PGGT1B: variants seen among roughly 807,000 people sequenced by gnomAD.
PGGT1B encodes the protein protein geranylgeranyltransferase type I subunit beta.
In PGGT1B, 30 loss-of-function variants were observed where a neutral mutation model predicts 46.1. The ratio of observed to expected loss-of-function variants is 0.65; its 90% CI spans 0.49 to 0.88. The LOEUF (loss-of-function observed/expected upper bound fraction) is 0.88. Among genes scored for constraint, PGGT1B ranks in the 40% least tolerant of loss-of-function variants. The probability of loss-of-function intolerance (pLI) is 0.00; values close to 1 mark genes in which losing one functional copy is unlikely to be tolerated. For missense variants in PGGT1B, 376 were observed against 455.9 expected, an observed-to-expected ratio of 0.82 and a Z score of 1.60; for synonymous variants, 170 against 160.0, an observed-to-expected ratio of 1.06 and a Z score of -0.47.
chr5:115,240,554 T>C (rs1466714860), intron 3 of PGGT1B, among the ~76,000 whole-genome samples: 1 of 152,212 alleles, frequency 6.6e-6, no homozygotes, highest in Non-Finnish European at 1.5e-5. Flanking sequence ...TGGGCACCCA[T>C]AATTGGAGTC....
chr5:115,229,093 T>A (rs1021699128), intron 6 of PGGT1B, among the ~76,000 whole-genome samples: 2 of 152,162 alleles, frequency 1.3e-5, no homozygotes, highest in African/African-American at 4.8e-5. Context: ...GTATAGATGG[T>A]GATGAGAAGG....
At chr5:115,217,267 A>G (rs1387183914) in intron 7 of PGGT1B, among the ~76,000 whole-genome samples, 2 of 151,858 alleles carry the variant, frequency 1.3e-5, no homozygotes, top group African/African-American at 4.8e-5. Flanking sequence ...ACTCAACATA[A>G]TCAGTCATTT....
rs35653225 is a variant in PGGT1B, at chr5:115,207,180, C to CATATATATAT, written c.*5212_*5221dup. On this transcript the variant is annotated 3_prime_UTR_variant, in exon 9 of 9. Transcript: ENST00000419445. ...ACTAGTTTAGGTTTGCATATACATA[C>CATATATATAT]ATATATATATATATATATATATATA... The CATATATATAT allele has an allele frequency of 0.05, 4,520 of 89,620 alleles. 394 individuals carry two copies. The highest frequency in any genetic ancestry group is 0.12 in the Middle Eastern group (17 of 146). The allele number at this position is 89,620 out of a possible 1,614,324, so 5.6% of individuals were successfully genotyped here.
intron 1 of PGGT1B, among the ~76,000 whole-genome samples, chr5:115,256,794 G>C (rs1052636851): frequency 2.0e-5 from 3 of 152,194 alleles, no homozygotes; most frequent in African/African-American, 4.8e-5. Context: ...GGGTTTTATG[G>C]TTCCTAGATG....
intron 2 of PGGT1B, among the ~76,000 whole-genome samples, chr5:115,242,048 A>G (rs1355108127): frequency 1.3e-5 from 2 of 152,188 alleles, no homozygotes; most frequent in African/African-American, 4.8e-5. Flanking sequence ...ACTTTAACTC[A>G]TTGCTTCTTT....
At chr5:115,232,997 G>A (rs1355902658) in intron 5 of PGGT1B, among the ~76,000 whole-genome samples, 1 of 62,976 alleles carries the variant, frequency 1.6e-5, no homozygotes, top group Non-Finnish European at 4.7e-5. Flanking sequence ...TACAAAAAAA[G>A]CCACCCAGTA....
intron 2 of PGGT1B, among the ~76,000 whole-genome samples, chr5:115,242,500 T>C (rs1189333437): frequency 6.6e-6 from 1 of 152,208 alleles, no homozygotes; most frequent in African/African-American, 2.4e-5. Flanking sequence ...CATTATTAAC[T>C]GTTTTCACTC....
chr5:115,237,925 C>T lies in PGGT1B; in HGVS notation c.412G>A (p.Asp138Asn), dbSNP rs899830970. The T allele has an allele frequency of 5.6e-6, 9 of 1,612,190 alleles. No homozygotes were observed. Among genetic ancestry groups the T allele is most frequent in the Admixed American group, 3.3e-5 (2 of 59,986 alleles). Residue 138 changes from aspartate to asparagine, a missense_variant, in exon 4 of 9, where the codon GAC (aspartate) becomes AAC (asparagine). Physicochemically the swap from Asp to Asn is conservative, Grantham distance 23 (BLOSUM62 1). This residue lies in a region of PGGT1B where 222 missense variants were observed against 313.6 expected (regional missense o/e 0.71). Coordinates refer to ENST00000419445, the MANE Select transcript of PGGT1B (RefSeq NM_005023.4). ...GCTTCTTTATTTACTCGGCTTAAGT[C>T]GTCTCCAAGAATAACTAAGCATGAG... is the stretch of plus-strand genomic sequence containing the variant. The part of the protein sequence containing the change: ...GLSCLVILGD[D>N]LSRVNKEACL...
chr5:115,258,939 T>A (rs1162749601), intron 1 of PGGT1B, among the ~76,000 whole-genome samples: 3 of 152,240 alleles, frequency 2.0e-5, no homozygotes, highest in Non-Finnish European at 2.9e-5. Context: ...CCATTAGATT[T>A]ACAGTTCCCA....
At chr5:115,243,952 T>C (rs1423834014) in intron 2 of PGGT1B, among the ~76,000 whole-genome samples, 1 of 152,184 alleles carries the variant, frequency 6.6e-6, no homozygotes, top group Non-Finnish European at 1.5e-5. Flanking sequence ...TCCCTTTCTC[T>C]GCAATTCCAT....
chr5:115,225,671 A>G (rs1188498265), intron 6 of PGGT1B, among the ~76,000 whole-genome samples: 1 of 150,216 alleles, frequency 6.7e-6, no homozygotes, highest in African/African-American at 2.5e-5. Flanking sequence ...TTTTTGAGAC[A>G]GTCTTGCTCT....
intron 1 of PGGT1B, among the ~76,000 whole-genome samples, chr5:115,255,095 T>C (rs1748256130): frequency 6.6e-6 from 1 of 152,148 alleles, no homozygotes; most frequent in Non-Finnish European, 1.5e-5. Context: ...TACTATACCT[T>C]ATACAGTAAT....
chr5:115,262,698 G>A lies in PGGT1B; in HGVS notation c.140+14C>T, dbSNP rs1748617346. On this transcript the variant is annotated intron_variant, in intron 1 of 8. Transcript: ENST00000419445. ...GGGCCTTGTGCCAGCCTGGCTGACT[G>A]TGCCACGAGTTACCTGCTTGTCTCG... 1 of 1,597,914 alleles carries A rather than the reference G, an allele frequency of 6.3e-7. No homozygotes were observed. The highest frequency in any genetic ancestry group is 8.5e-7 in the Non-Finnish European group (1 of 1,171,924).
chr5:115,251,135 G>A (rs1390869554), intron 2 of PGGT1B, among the ~76,000 whole-genome samples: 3 of 152,150 alleles, frequency 2.0e-5, no homozygotes, highest in Non-Finnish European at 4.4e-5. Context: ...TAGAACTGTT[G>A]GGTCATAGAA....
At chr5:115,233,547 A>G (rs1231583447) in intron 5 of PGGT1B, among the ~76,000 whole-genome samples, 1 of 74,852 alleles carries the variant, frequency 1.3e-5, no homozygotes, top group Non-Finnish European at 4.1e-5. Flanking sequence ...AAAAGAAGGA[A>G]AAAAAAAAAA....
rs73780089 is a variant in PGGT1B, at chr5:115,229,011, A to G, written c.658+1965T>C. ...AAAGACAGTAACAATAAAAAAGAAAAAGAGAGAACACAATGACTTGATGGG... is the reference window on the plus strand; with the variant it reads ...AAAGACAGTAACAATAAAAAAGAAAGAGAGAGAACACAATGACTTGATGGG... On this transcript the variant is annotated intron_variant, in intron 6 of 8. Coordinates refer to ENST00000419445, the MANE Select transcript of PGGT1B (RefSeq NM_005023.4). Among the ~76,000 whole-genome samples, 582 of 152,258 alleles carry G rather than the reference A, an allele frequency of 3.8e-3. 3 individuals carry two copies. The highest frequency in any genetic ancestry group is 0.013 in the African/African-American group (549 of 41,546).
intron 1 of PGGT1B, among the ~76,000 whole-genome samples, chr5:115,256,817 G>C (rs143885877): frequency 6.6e-6 from 1 of 152,138 alleles, no homozygotes; most frequent in Non-Finnish European, 1.5e-5. Flanking sequence ...TTCTACTTGG[G>C]AATAAACTGC....
intron 8 of PGGT1B, among the ~76,000 whole-genome samples, chr5:115,215,790 G>A (rs1345928834): frequency 2.6e-5 from 4 of 152,150 alleles, no homozygotes; most frequent in Non-Finnish European, 5.9e-5. Context: ...TAAAAACCAC[G>A]ACTCTATTGC....
At chr5:115,233,853 G>A (rs1215193562) in intron 5 of PGGT1B, among the ~76,000 whole-genome samples, 5 of 151,892 alleles carry the variant, frequency 3.3e-5, no homozygotes, top group Admixed American at 3.3e-4. Flanking sequence ...AAACAAACTG[G>A]TCTATCCTTT....
Sources: allele counts gnomAD v4.1 joint callset (sites outside exome capture counted in the v4.1 genomes callset), GRCh38; gene constraint gnomAD v4.1.1; regional missense constraint gnomAD v4.1.1; transcripts MANE v1.5; gene names NCBI Gene and HGNC (gene_info 2026-07-23, HGNC 2026-07-21).